SPSB1: variants seen among roughly 807,000 people sequenced by gnomAD.
SPSB1 encodes the protein SPRY domain-containing SOCS box protein 1.
Under a neutral mutation model 21.2 loss-of-function variants are expected in SPSB1, and 8 were observed. The observed-to-expected ratio is 0.38, with a 90% CI of 0.22 to 0.68. The LOEUF is 0.68. Ranked by LOEUF, SPSB1 falls within the 30% of genes least tolerant of loss-of-function variation. SPSB1 has a pLI of 0.53. For missense variants in SPSB1, 242 were observed against 377.8 expected, an observed-to-expected ratio of 0.64 and a Z score of 2.98; for synonymous variants, 169 against 161.7, an observed-to-expected ratio of 1.05 and a Z score of -0.34.
chr1:9,365,234 A>G (rs988219634), intron 2 of SPSB1, among the ~76,000 whole-genome samples: 1 of 151,824 alleles, frequency 6.6e-6, no homozygotes, highest in Non-Finnish European at 1.5e-5. Flanking sequence ...TGCAGCCTTG[A>G]CCTCCTGGGC....
chr1:9,359,868 C>T (rs1212348047), intron 2 of SPSB1, among the ~76,000 whole-genome samples: 6 of 145,308 alleles, frequency 4.1e-5, no homozygotes, highest in Non-Finnish European at 7.6e-5. Context: ...GTGGCGGGGG[C>T]GGCCCGGTTC....
chr1:9,315,952 G>A (rs11582809), intron 1 of SPSB1, among the ~76,000 whole-genome samples: 56,866 of 152,084 alleles, frequency 0.37, 11,187 homozygotes, highest in South Asian at 0.45. Flanking sequence ...GTGCGGCTCC[G>A]GGCATCCTGG....
intron 1 of SPSB1, among the ~76,000 whole-genome samples, chr1:9,312,365 C>T (rs956140007): frequency 6.6e-6 from 1 of 151,934 alleles, no homozygotes; most frequent in Admixed American, 6.6e-5. Context: ...GAGTCCCTGA[C>T]CTTCCTGAAT....
At chr1:9,314,317 C>T (rs758932454) in intron 1 of SPSB1, among the ~76,000 whole-genome samples, 1 of 152,130 alleles carries the variant, frequency 6.6e-6, no homozygotes, top group Non-Finnish European at 1.5e-5. Context: ...CTCCCTCCCG[C>T]TCCTAAATAT....
intron 1 of SPSB1, among the ~76,000 whole-genome samples, chr1:9,312,426 A>T (rs192162478): frequency 9.9e-4 from 151 of 152,198 alleles, no homozygotes; most frequent in South Asian, 3.3e-3. Context: ...AGCCCTGTGG[A>T]GGTATTATGC....
chr1:9,295,235 T>C (rs1639201229), intron 1 of SPSB1, among the ~76,000 whole-genome samples: 1 of 145,740 alleles, frequency 6.9e-6, no homozygotes, highest in Non-Finnish European at 1.6e-5. Context: ...TGTGTGTGTG[T>C]GTGTGTGCGC....
intron 1 of SPSB1, among the ~76,000 whole-genome samples, chr1:9,318,869 G>A (rs1168106807): frequency 6.6e-6 from 1 of 152,164 alleles, no homozygotes. Context: ...GAGGAGTCCA[G>A]CCTGCGGTGT....
At position 9,356,344 on chromosome 1, in the gene SPSB1, C is replaced by T. The variant is rs750104952; in HGVS notation, c.453C>T (p.His151=). 6.9e-5 allele frequency: 112 copies of T among 1,613,872 alleles called. 2 individuals are homozygous for T. In the South Asian group the frequency reaches 7.6e-4, roughly 11 times the overall value. Reference sequence around the variant, plus strand: ...ACTTGGGGCGCAACCGGCTCTACCACGATGGCAAGAACCAGCCAAGCAAAA... The same window carrying T: ...ACTTGGGGCGCAACCGGCTCTACCATGATGGCAAGAACCAGCCAAGCAAAA... The part of the protein sequence containing the change: ...GWDLGRNRLY[H]DGKNQPSKTY... Residue 151 remains histidine (H), a synonymous_variant, in exon 2 of 3, where the codon CAC becomes CAT. Transcript: ENST00000328089. This position sits in a 1 kb window ranked among gnomAD's most constrained non-coding sequence, Gnocchi z 7.4.
intron 1 of SPSB1, among the ~76,000 whole-genome samples, chr1:9,341,454 T>C (rs901444022): frequency 3.3e-5 from 5 of 152,276 alleles, no homozygotes; most frequent in Non-Finnish European, 7.3e-5. Context: ...GCCTGTTCTG[T>C]GTATCCAGTA....
chr1:9,329,314 A>T (rs1016898562), intron 1 of SPSB1, among the ~76,000 whole-genome samples: 1 of 151,966 alleles, frequency 6.6e-6, no homozygotes, highest in Admixed American at 6.6e-5. Flanking sequence ...GGACAGGCGG[A>T]TGGGTGGACG....
rs564158396 is a variant in SPSB1, at chr1:9,346,192, G to A, written c.-149-9551G>A. Among the ~76,000 whole-genome samples the A allele has an allele frequency of 6.6e-6, 1 of 152,380 alleles. No homozygotes were observed. Among genetic ancestry groups the A allele is most frequent in the African/African-American group, 2.4e-5 (1 of 41,586 alleles). ...GGCTGCCACCACTGATGTGTGAGAC[G>A]GGGCGGCAGAGGGAGGGAACTTACG... On this transcript the variant is annotated intron_variant, in intron 1 of 2. Transcript: ENST00000328089. This position sits in a 1 kb window ranked among gnomAD's most constrained non-coding sequence, Gnocchi z 4.4.
intron 1 of SPSB1, among the ~76,000 whole-genome samples, chr1:9,300,618 C>T (rs777889715): frequency 5.9e-5 from 9 of 152,198 alleles, no homozygotes; most frequent in Admixed American, 2.0e-4. Context: ...CCATCAGCCA[C>T]GAAGTTGCCA....
At chr1:9,359,839 A>G (rs1640438151) in intron 2 of SPSB1, among the ~76,000 whole-genome samples, 1 of 68,830 alleles carries the variant, frequency 1.5e-5, no homozygotes, top group Non-Finnish European at 2.7e-5. Context: ...TTGGGCCAGG[A>G]TGGAAGCCGG....
chr1:9,303,329 C>G (rs569805007), intron 1 of SPSB1, among the ~76,000 whole-genome samples: 1 of 152,320 alleles, frequency 6.6e-6, no homozygotes, highest in Non-Finnish European at 1.5e-5. Flanking sequence ...AGAACCACAG[C>G]CAGCTGAGGT....
chr1:9,295,832 C>T (rs532907455), intron 1 of SPSB1, among the ~76,000 whole-genome samples: 5 of 152,244 alleles, frequency 3.3e-5, no homozygotes, highest in East Asian at 1.9e-4. Flanking sequence ...CAATTTTTCT[C>T]GAGAAATAGG....
chr1:9,317,969 CTG>C lies in SPSB1; in HGVS notation c.-150+24901_-150+24902del, dbSNP rs1318422276. ...TGTGTGCCAGGCTCGGCCCGAGCAT[CTG>C]TGGAACCAGAGGAAGCTGGGTGGAC... On this transcript the variant is annotated intron_variant, in intron 1 of 2. Transcript: ENST00000328089. The surrounding 1 kb of genome is among the most constrained non-coding windows in gnomAD (Gnocchi z 4.3). Among the ~76,000 whole-genome samples, 2 of 152,042 alleles carry C rather than the reference CTG, an allele frequency of 1.3e-5. No individual in the cohort carries two copies. Among genetic ancestry groups the C allele is most frequent in the Non-Finnish European group, 2.9e-5 (2 of 68,022 alleles).
intron 2 of SPSB1, among the ~76,000 whole-genome samples, chr1:9,366,839 G>T (rs1373970769): frequency 6.6e-6 from 1 of 152,188 alleles, no homozygotes; most frequent in Admixed American, 6.5e-5. Flanking sequence ...CTCCCAAAAT[G>T]CTGGGATTAC....
rs1639775686 is a variant in SPSB1 at position 9,324,265 on chromosome 1, C to T, written c.-150+31194C>T. On this transcript the variant is annotated intron_variant, in intron 1 of 2. Transcript: ENST00000328089. This position sits in a 1 kb window ranked among gnomAD's most constrained non-coding sequence, Gnocchi z 4.3. ...TGTCTTTACTACCACGTGGAGCCGGCACATAGTGGGACTCACAGCTCTTCA... is the reference window on the plus strand; with the variant it reads ...TGTCTTTACTACCACGTGGAGCCGGTACATAGTGGGACTCACAGCTCTTCA... 6.6e-6 allele frequency among the ~76,000 whole-genome samples: 1 copy of T among 152,210 alleles called. No homozygotes were observed. Among genetic ancestry groups the T allele is most frequent in the African/African-American group, 2.4e-5 (1 of 41,454 alleles).
chr1:9,366,363 T>C (rs1640571540), intron 2 of SPSB1, among the ~76,000 whole-genome samples: 1 of 152,224 alleles, frequency 6.6e-6, no homozygotes, highest in African/African-American at 2.4e-5. Context: ...ACCCGGGGTT[T>C]CTCTGTCTCC....
Sources: gnomAD v4.1 joint callset for allele counts (sites outside exome capture counted in the v4.1 genomes callset) on GRCh38, gnomAD v4.1.1 for gene constraint, Gnocchi (gnomAD v3.1) non-coding constraint, MANE v1.5 for transcripts, NCBI Gene and HGNC (gene_info 2026-07-23, HGNC 2026-07-21) for gene names.